EME2: variants seen among roughly 807,000 people sequenced by gnomAD.
EME2 encodes structure-specific endonuclease subunit EME2.
A neutral mutation model predicts 41.9 loss-of-function variants in EME2; 58 were observed. The observed-to-expected ratio is 1.38, with a 90% CI of 1.12 to 1.72. The LOEUF is 1.72. Among genes scored for constraint, EME2 ranks in the 40% most tolerant of loss-of-function variants. The pLI is 0.00. For missense variants in EME2, 695 were observed against 541.9 expected, an observed-to-expected ratio of 1.28 and a Z score of -2.81; for synonymous variants, 334 against 239.3, an observed-to-expected ratio of 1.40 and a Z score of -3.65.
rs1371684306 is a variant in EME2 at position 1,773,042 on chromosome 16, G to A, written c.-186G>A. 1.4e-6 allele frequency: 2 copies of A among 1,430,556 alleles called. No homozygotes were observed. Among genetic ancestry groups the A allele is most frequent in the Admixed American group, 6.1e-5 (2 of 32,728 alleles). The allele number at this position is 1,430,556 out of a possible 1,614,324, so 88.6% of individuals were successfully genotyped here. A position where few individuals can be genotyped will look rare whatever the true frequency, so the allele number is the denominator to read the frequency against. The stretch of plus-strand genomic sequence containing the variant: ...CGTAGAGCTGGGAGTCGCGCGGCCT[G>A]TTCAGTTGCTCCCGCAGGGCGCGCA... On this transcript the variant is annotated 5_prime_UTR_variant, in exon 1 of 8. Transcript: ENST00000568449.
Position 1,777,616 on chromosome 16 carries a change from TG to T in EME2, c.*1381del. 1 of 1,475,126 alleles carries T rather than the reference TG, an allele frequency of 6.8e-7. No individual in the cohort carries two copies. 91.4% of individuals were successfully genotyped at this position (1,475,126 alleles called of 1,614,324 possible). A position where few individuals can be genotyped will look rare whatever the true frequency, so the allele number is the denominator to read the frequency against. On this transcript the variant is annotated 3_prime_UTR_variant, in exon 8 of 8. Coordinates refer to ENST00000568449, the MANE Select transcript of EME2 (RefSeq NM_001257370.2). ...AGCCTGGCCTCACTGTCCCACCCCC[TG>T]GGACCCTGGGGCCTCAGGCTTCTGG...
At position 1,777,685 on chromosome 16, in the gene EME2, CGGGGT is replaced by C; in HGVS notation, c.*1450_*1454del. ...AACCTCAGTGTCCCCTGGGCTGGGG[CGGGGT>C]GGCTGCCTCCCTCGGGGTGACAGCT... On this transcript the variant is annotated 3_prime_UTR_variant, in exon 8 of 8. Coordinates refer to ENST00000568449, the MANE Select transcript of EME2 (RefSeq NM_001257370.2). 3 of 1,594,880 alleles carry C rather than the reference CGGGGT, an allele frequency of 1.9e-6. No individual in the cohort carries two copies. Among genetic ancestry groups the C allele is most frequent in the Non-Finnish European group, 2.6e-6 (3 of 1,169,678 alleles).
rs762283747 is a variant in EME2, at chr16:1,777,280, C to G, written c.*1042C>G. On this transcript the variant is annotated 3_prime_UTR_variant, in exon 8 of 8. Coordinates refer to ENST00000568449, the MANE Select transcript of EME2 (RefSeq NM_001257370.2). ...CCGGCGGCAGCGGCAGACCCTCCAG[C>G]GTGTCTCCCGAGTCTGGCCGCAGCT... 1.2e-6 allele frequency: 2 copies of G among 1,610,396 alleles called. No homozygotes were observed. Among genetic ancestry groups the G allele is most frequent in the South Asian group, 2.2e-5 (2 of 91,072 alleles).
At position 1,773,299 on chromosome 16, in the gene EME2, T is replaced by C. The variant is rs2042655224; in HGVS notation, c.72T>C (p.Gly24=). The change falls in exon 1 of 8, where the codon GGT becomes GGC. Residue 24 remains glycine (G), a synonymous_variant. Coordinates refer to ENST00000568449, the MANE Select transcript of EME2 (RefSeq NM_001257370.2). The part of the protein sequence containing the change: ...QGRGRGRGGS[G]QRRPPTWEIS... The stretch of plus-strand genomic sequence containing the variant: ...GGGGCCGGGGACGGGGCGGGAGCGG[T>C]CAGCGGCGACCTCCAACCTGGGAGA... 2 of 1,491,620 alleles carry C rather than the reference T, an allele frequency of 1.3e-6. No individual in the cohort carries two copies. The highest frequency in any genetic ancestry group is 2.6e-5 in the South Asian group (2 of 78,236). 92.4% of individuals were successfully genotyped at this position (1,491,620 alleles called of 1,614,324 possible).
In EME2 at chr16:1,774,333, G is replaced by A; in HGVS notation, c.458G>A (p.Gly153Asp). 1 of 1,612,780 alleles carries A rather than the reference G, an allele frequency of 6.2e-7. No individual in the cohort carries two copies. The highest frequency in any genetic ancestry group is 8.5e-7 in the Non-Finnish European group (1 of 1,179,914). Residue 153 changes from glycine (G) to aspartate (D), a missense_variant, in exon 3 of 8, where the codon GGC becomes GAC. Coordinates refer to ENST00000568449, the MANE Select transcript of EME2 (RefSeq NM_001257370.2). ...LLLEPEEFLQGVATLTQISGP... is the reference protein window; with the variant it reads ...LLLEPEEFLQDVATLTQISGP... ...CTGGAGCCCGAGGAGTTTCTGCAGGGCGTCGCCACACTGACCCAGGTGCTC... is the reference window on the plus strand; with the variant it reads ...CTGGAGCCCGAGGAGTTTCTGCAGGACGTCGCCACACTGACCCAGGTGCTC...
rs1160347826 is a variant in EME2 at position 1,777,182 on chromosome 16, A to G, written c.*944A>G. 6.2e-7 allele frequency: 1 copy of G among 1,610,938 alleles called. No homozygotes were observed. Among genetic ancestry groups the G allele is most frequent in the Admixed American group, 1.7e-5 (1 of 60,020 alleles). ...GGAGGTCGCTGCCTGGGGATCGGACACTGGAGCCTTGCGGCGGCTGCAACT... is the reference window on the plus strand; with the variant it reads ...GGAGGTCGCTGCCTGGGGATCGGACGCTGGAGCCTTGCGGCGGCTGCAACT... On this transcript the variant is annotated 3_prime_UTR_variant, in exon 8 of 8. Coordinates refer to ENST00000568449, the MANE Select transcript of EME2 (RefSeq NM_001257370.2).
intron 5 of EME2, 23 bp downstream of exon 5, chr16:1,775,431 T>A: frequency 6.2e-7 from 1 of 1,610,618 alleles, no homozygotes; most frequent in Non-Finnish European, 8.5e-7. Context: ...CTGAGCTGGG[T>A]GAGTCAGGTG....
In EME2 at chr16:1,775,631, G is replaced by A. The variant is rs1012508849; in HGVS notation, c.726G>A (p.Glu242=). ...TGCTACTGGTGGCCTCTTGGCAGGA[G>A]CTGAGTCGGCACGTGTGCGCCGTTA... ...LDVLLVASWQ[E]LSRHVCAVTK... Residue 242 remains glutamate, a synonymous_variant, in exon 6 of 8, where the codon GAG becomes GAA. Transcript: ENST00000568449. The A allele has an allele frequency of 2.9e-5, 47 of 1,612,912 alleles. No homozygotes were observed. Among genetic ancestry groups the A allele is most frequent in the Non-Finnish European group, 3.8e-5 (45 of 1,180,020 alleles).
Position 1,773,056 on chromosome 16 carries a change from G to T in EME2, c.-172G>T, listed in dbSNP as rs756968636. On this transcript the variant is annotated 5_prime_UTR_variant, in exon 1 of 8. Coordinates refer to ENST00000568449, the MANE Select transcript of EME2 (RefSeq NM_001257370.2). ...TCGCGCGGCCTGTTCAGTTGCTCCC[G>T]CAGGGCGCGCACGCGGCGGGCCAGC... 7.0e-7 allele frequency: 1 copy of T among 1,420,562 alleles called. No individual in the cohort carries two copies. The allele number at this position is 1,420,562 out of a possible 1,614,324, so 88.0% of individuals were successfully genotyped here. A position where few individuals can be genotyped will look rare whatever the true frequency, so the allele number is the denominator to read the frequency against.
In EME2 at chr16:1,778,730, C is replaced by A; in HGVS notation, c.*2492C>A. The stretch of plus-strand genomic sequence containing the variant: ...ACCCAGGAAAGGATGGGGGTCCAGG[C>A]CTCCAGGGACTTCACAGTACCCCGA... On this transcript the variant is annotated 3_prime_UTR_variant, in exon 8 of 8. Coordinates refer to ENST00000568449, the MANE Select transcript of EME2 (RefSeq NM_001257370.2). The A allele has an allele frequency of 3.5e-6, 4 of 1,158,766 alleles. No homozygotes were observed. Among genetic ancestry groups the A allele is most frequent in the Non-Finnish European group, 4.7e-6 (4 of 846,560 alleles). The allele number at this position is 1,158,766 out of a possible 1,614,324, so 71.8% of individuals were successfully genotyped here. A position where few individuals can be genotyped will look rare whatever the true frequency, so the allele number is the denominator to read the frequency against.
In EME2 at chr16:1,776,399, G is replaced by A. The variant is rs2042713734; in HGVS notation, c.*161G>A. 2 of 633,320 alleles carry A rather than the reference G, an allele frequency of 3.2e-6. No individual in the cohort carries two copies. The highest frequency in any genetic ancestry group is 3.2e-5 in the Admixed American group (1 of 31,258). The allele number at this position is 633,320 out of a possible 1,614,324, so 39.2% of individuals were successfully genotyped here. A position where few individuals can be genotyped will look rare whatever the true frequency, so the allele number is the denominator to read the frequency against. On this transcript the variant is annotated 3_prime_UTR_variant, in exon 8 of 8. Coordinates refer to ENST00000568449, the MANE Select transcript of EME2 (RefSeq NM_001257370.2). ...GGAAGGGTGGGTGGTTGCAGGGGAA[G>A]TTTTAGGTAGCTGGGAGAAGAGGGG... is the stretch of plus-strand genomic sequence containing the variant.
chr16:1,776,289 A>C lies in EME2; in HGVS notation c.*51A>C. Reference sequence around the variant, plus strand: ...ATGCAGCCTTGGGGACAGACCAGACACCCTGGGCGGTGGGGGAGGACCCCC... The same window carrying C: ...ATGCAGCCTTGGGGACAGACCAGACCCCCTGGGCGGTGGGGGAGGACCCCC... On this transcript the variant is annotated 3_prime_UTR_variant, in exon 8 of 8. Transcript: ENST00000568449. 7 of 1,570,586 alleles carry C rather than the reference A, an allele frequency of 4.5e-6. No homozygotes were observed. Among genetic ancestry groups the C allele is most frequent in the East Asian group, 2.3e-5 (1 of 43,432 alleles).
Position 1,773,750 on chromosome 16 carries a change from A to G in EME2, c.293A>G (p.Glu98Gly). ...GCCGACGTCCTGATGGAGGCCCTGG[A>G]GGCCCTGGGCTGCGAGTGCCGCATC... The part of the protein sequence containing the change: ...AGADVLMEAL[E>G]ALGCECRIEP... The change falls in exon 2 of 8, where the codon GAG becomes GGG. Residue 98 changes from glutamate to glycine, a missense_variant. By Grantham distance (98) the Glu-to-Gly change is moderately conservative. Coordinates refer to ENST00000568449, the MANE Select transcript of EME2 (RefSeq NM_001257370.2). The G allele has an allele frequency of 6.5e-7, 1 of 1,549,718 alleles. No homozygotes were observed. Among genetic ancestry groups the G allele is most frequent in the African/African-American group, 1.4e-5 (1 of 73,176 alleles).
In EME2 at chr16:1,781,339, C is replaced by T. The variant is rs1896702362; in HGVS notation, c.*5101C>T. The T allele has an allele frequency of 6.2e-7, 1 of 1,612,812 alleles. No individual in the cohort carries two copies. The highest frequency in any genetic ancestry group is 1.7e-5 in the Admixed American group (1 of 59,992). On this transcript the variant is annotated 3_prime_UTR_variant, in exon 8 of 8. Transcript: ENST00000568449. ...CACACCTTAGGCCAGCCACGTCCGCCTCGCCCGCTGGAACCTACCTGCCCA... is the reference window on the plus strand; with the variant it reads ...CACACCTTAGGCCAGCCACGTCCGCTTCGCCCGCTGGAACCTACCTGCCCA...
chr16:1,775,277 C>A (rs781019330), intron 4 of EME2, 38 bp from the exon 5 acceptor site: 1 of 1,605,932 alleles, frequency 6.2e-7, no homozygotes, highest in Non-Finnish European at 8.5e-7. Context: ...CAGGGCAGGC[C>A]CCATGGGGAG....
At position 1,772,991 on chromosome 16, in the gene EME2, C is replaced by T; in HGVS notation, c.-237C>T. 2 of 1,453,064 alleles carry T rather than the reference C, an allele frequency of 1.4e-6. No individual in the cohort carries two copies. Among genetic ancestry groups the T allele is most frequent in the South Asian group, 1.4e-5 (1 of 71,426 alleles). 90.0% of individuals were successfully genotyped at this position (1,453,064 alleles called of 1,614,324 possible). A position where few individuals can be genotyped will look rare whatever the true frequency, so the allele number is the denominator to read the frequency against. On this transcript the variant is annotated 5_prime_UTR_variant, in exon 1 of 8. Transcript: ENST00000568449. Reference sequence around the variant, plus strand: ...CCGGCAGCCGGCGTCCAGAGAACGGCCGCGTCAAGGTCTCGTAGTCCACCG... The same window carrying T: ...CCGGCAGCCGGCGTCCAGAGAACGGTCGCGTCAAGGTCTCGTAGTCCACCG...
Position 1,778,749 on chromosome 16 carries a change from A to AC in EME2, c.*2515dup, listed in dbSNP as rs1257221431. 5.3e-6 allele frequency: 5 copies of AC among 948,874 alleles called. No homozygotes were observed. The highest frequency in any genetic ancestry group is 6.3e-5 in the Admixed American group (2 of 31,756). 58.8% of individuals were successfully genotyped at this position (948,874 alleles called of 1,614,324 possible). ...TCCAGGCCTCCAGGGACTTCACAGT[A>AC]CCCCGAGCGCACAGCCCAGGCTCCC... On this transcript the variant is annotated 3_prime_UTR_variant, in exon 8 of 8. Coordinates refer to ENST00000568449, the MANE Select transcript of EME2 (RefSeq NM_001257370.2).
chr16:1,781,160 G>C lies in EME2; in HGVS notation c.*4922G>C, dbSNP rs1896692525. The C allele has an allele frequency of 2.6e-6, 4 of 1,529,256 alleles. No homozygotes were observed. In the Admixed American group the frequency reaches 5.9e-5, roughly 23 times the overall value. 94.7% of individuals were successfully genotyped at this position (1,529,256 alleles called of 1,614,324 possible). A position where few individuals can be genotyped will look rare whatever the true frequency, so the allele number is the denominator to read the frequency against. ...CTGAGGTCCTGTCACCCCTGAGGCT[G>C]TGTGTGTCCTTTGCCAAATTAAAGA... On this transcript the variant is annotated 3_prime_UTR_variant, in exon 8 of 8. Transcript: ENST00000568449.
chr16:1,776,765 C>T lies in EME2; in HGVS notation c.*527C>T, dbSNP rs563403684. 10 of 430,158 alleles carry T rather than the reference C, an allele frequency of 2.3e-5. No individual in the cohort carries two copies. The highest frequency in any genetic ancestry group is 4.2e-5 in the East Asian group (1 of 24,050). 26.6% of individuals were successfully genotyped at this position (430,158 alleles called of 1,614,324 possible). A position where few individuals can be genotyped will look rare whatever the true frequency, so the allele number is the denominator to read the frequency against. ...TTGCAGTCCTTTAAGTCTATGACGG[C>T]GGGGCAGCCGCTGACAGCATGCAGA... On this transcript the variant is annotated 3_prime_UTR_variant, in exon 8 of 8. Transcript: ENST00000568449.
Sources: gnomAD v4.1 joint callset for allele counts on GRCh38, gnomAD v4.1.1 for gene constraint, MANE v1.5 for transcripts, NCBI Gene and HGNC (gene_info 2026-07-23, HGNC 2026-07-21) for gene names.